KCNH7: variants seen among roughly 807,000 people sequenced by gnomAD.
KCNH7 encodes the protein potassium voltage-gated channel subfamily H member 7, also known as voltage-gated inwardly rectifying potassium channel KCNH7.
A neutral mutation model predicts 120.8 loss-of-function variants in KCNH7; 49 were observed. The observed-to-expected ratio is 0.41, with a 90% CI of 0.32 to 0.51. KCNH7 has a LOEUF of 0.51. Ranked by LOEUF, KCNH7 falls within the 20% of genes least tolerant of loss-of-function variation. The pLI, the probability that KCNH7 is intolerant of heterozygous loss-of-function variation, is 0.38. For synonymous variants in KCNH7, 547 were observed against 516.1 expected (o/e 1.06, Z -0.81); for missense variants, 1,097 against 1,446.6 (o/e 0.76, Z 3.92).
chr2:162,822,362 T>C (rs1216646784), intron 2 of KCNH7, among the ~76,000 whole-genome samples: 1 of 152,116 alleles, frequency 6.6e-6, no homozygotes, highest in African/African-American at 2.4e-5. Flanking sequence ...TTTACAAATG[T>C]AAACACGGTC....
intron 7 of KCNH7, among the ~76,000 whole-genome samples, chr2:162,445,470 C>T (rs1224864237): frequency 2.0e-5 from 3 of 151,924 alleles, no homozygotes; most frequent in Non-Finnish European, 4.4e-5. Context: ...GACTCTCTAT[C>T]CAGAAAATGC....
rs369222916 is a variant in KCNH7, at chr2:162,544,935, C to T, written c.308-7855G>A. On this transcript the variant is annotated intron_variant, in intron 2 of 15. Transcript: ENST00000332142. The stretch of plus-strand genomic sequence containing the variant: ...TTTAAGAATACTTTGCTCCCTGGAT[C>T]GCTACATATTATTATTACTACAATT... Among the ~76,000 whole-genome samples, 134 of 152,226 alleles carry T rather than the reference C, an allele frequency of 8.8e-4. 2 individuals are homozygous for T. In the South Asian group the frequency reaches 0.017, roughly 19 times the overall value.
chr2:162,569,042 A>T (rs1693366818), intron 2 of KCNH7, among the ~76,000 whole-genome samples: 1 of 152,126 alleles, frequency 6.6e-6, no homozygotes, highest in Non-Finnish European at 1.5e-5. Flanking sequence ...TGCTGGTCTC[A>T]TAAAATGAGT....
intron 7 of KCNH7, among the ~76,000 whole-genome samples, chr2:162,445,716 G>T (rs1688555694): frequency 6.6e-6 from 1 of 152,174 alleles, no homozygotes; most frequent in Non-Finnish European, 1.5e-5. Context: ...TTACACCCGT[G>T]AAGTTAATAA....
chr2:162,765,409 G>A (rs533471639), intron 2 of KCNH7, among the ~76,000 whole-genome samples: 19 of 152,144 alleles, frequency 1.2e-4, no homozygotes, highest in East Asian at 5.8e-4. Context: ...TTTGAATCTC[G>A]CTCTCTGCAA....
At chr2:162,598,503 A>G (rs891749852) in intron 2 of KCNH7, among the ~76,000 whole-genome samples, 4 of 152,142 alleles carry the variant, frequency 2.6e-5, no homozygotes, top group Non-Finnish European at 4.4e-5. Context: ...GTATTTTAAA[A>G]TCATAGCAGC....
intron 2 of KCNH7, among the ~76,000 whole-genome samples, chr2:162,646,022 T>C (rs945132413): frequency 6.6e-6 from 1 of 152,186 alleles, no homozygotes; most frequent in African/African-American, 2.4e-5. Context: ...CTATAGGGGC[T>C]TGAAAAGATA....
At chr2:162,681,536 G>A (rs1304622552) in intron 2 of KCNH7, among the ~76,000 whole-genome samples, 1 of 151,652 alleles carries the variant, frequency 6.6e-6, no homozygotes, top group Non-Finnish European at 1.5e-5. Flanking sequence ...AAAATGTACA[G>A]ACTTCTCCTT....
At chr2:162,819,483 G>A (rs950687690) in intron 2 of KCNH7, among the ~76,000 whole-genome samples, 1 of 152,058 alleles carries the variant, frequency 6.6e-6, no homozygotes, top group Non-Finnish European at 1.5e-5. Flanking sequence ...GTTATAGGAG[G>A]GTTCATTGTA....
At chr2:162,630,129 G>T (rs1348927118) in intron 2 of KCNH7, among the ~76,000 whole-genome samples, 1 of 152,028 alleles carries the variant, frequency 6.6e-6, no homozygotes, top group Non-Finnish European at 1.5e-5. Context: ...GCCTGGAAAG[G>T]TCATCCCATA....
intron 5 of KCNH7, among the ~76,000 whole-genome samples, chr2:162,507,676 A>G (rs1690929113): frequency 6.6e-6 from 1 of 151,614 alleles, no homozygotes. Flanking sequence ...CTATTGCATT[A>G]TATCACAGAA....
At chr2:162,735,508 T>G (rs1038157755) in intron 2 of KCNH7, among the ~76,000 whole-genome samples, 1 of 152,210 alleles carries the variant, frequency 6.6e-6, no homozygotes, top group African/African-American at 2.4e-5. Context: ...AATGTCACTA[T>G]TGCAAACTTT....
chr2:162,390,394 T>G (rs1237414627), intron 12 of KCNH7, among the ~76,000 whole-genome samples: 1 of 151,678 alleles, frequency 6.6e-6, no homozygotes, highest in Non-Finnish European at 1.5e-5. Flanking sequence ...CAACATAAAA[T>G]TTTAGAAGAA....
intron 6 of KCNH7, among the ~76,000 whole-genome samples, chr2:162,463,845 G>T (rs1418710684): frequency 6.8e-6 from 1 of 147,224 alleles, no homozygotes; most frequent in South Asian, 2.1e-4. Context: ...TTTTTAAAAA[G>T]TTACCAAATA....
chr2:162,391,266 C>T (rs1686737834), intron 12 of KCNH7, among the ~76,000 whole-genome samples: 1 of 152,060 alleles, frequency 6.6e-6, no homozygotes, highest in Admixed American at 6.6e-5. Flanking sequence ...GAATGATCCC[C>T]TGAAAGTTCT....
Position 162,691,528 on chromosome 2 carries a change from G to A in KCNH7, c.307+145009C>T, listed in dbSNP as rs574284499. Among the ~76,000 whole-genome samples the A allele has an allele frequency of 7.1e-4, 108 of 152,104 alleles. 1 individual carries two copies. The highest frequency in any genetic ancestry group is 3.4e-3 in the Middle Eastern group (1 of 294). On this transcript the variant is annotated intron_variant, in intron 2 of 15. Coordinates refer to ENST00000332142, the MANE Select transcript of KCNH7 (RefSeq NM_033272.4). ...AAATTCTTTAAAATGATGAATTATAGGAAAAACAAGAGATACTTTTTGTAA... is the reference window on the plus strand; with the variant it reads ...AAATTCTTTAAAATGATGAATTATAAGAAAAACAAGAGATACTTTTTGTAA...
At chr2:162,821,865 C>T (rs10803784) in intron 2 of KCNH7, among the ~76,000 whole-genome samples, 77,521 of 151,406 alleles carry the variant, frequency 0.51, 20,949 homozygotes, top group South Asian at 0.72. Context: ...TGAGTTTACA[C>T]CTCACTGTGT....
At chr2:162,380,274 T>A (rs1405384144) in intron 13 of KCNH7, among the ~76,000 whole-genome samples, 1 of 152,098 alleles carries the variant, frequency 6.6e-6, no homozygotes, top group Non-Finnish European at 1.5e-5. Context: ...TGTTTAGGAT[T>A]TTGTTTTCTT....
At chr2:162,650,090 T>G (rs1186231470) in intron 2 of KCNH7, among the ~76,000 whole-genome samples, 1 of 152,162 alleles carries the variant, frequency 6.6e-6, no homozygotes, top group African/African-American at 2.4e-5. Flanking sequence ...TTATAGATCT[T>G]TAGTTTGATT....
Sources: gnomAD v4.1 joint callset for allele counts (sites outside exome capture counted in the v4.1 genomes callset) on GRCh38, gnomAD v4.1.1 for gene constraint, MANE v1.5 for transcripts, NCBI Gene and HGNC (gene_info 2026-07-23, HGNC 2026-07-21) for gene names.